RTL4: variants seen among roughly 807,000 people sequenced by gnomAD.
RTL4 encodes retrotransposon Gag like 4.
Under a neutral mutation model 5.3 loss-of-function variants are expected in RTL4, and 4 were observed. That is an observed-to-expected ratio of 0.75 (90% CI 0.37 to 1.72). RTL4 has a LOEUF of 1.72. Ranked by LOEUF, RTL4 falls within the 40% of genes most tolerant of loss-of-function variation. RTL4 has a pLI of 0.04. For synonymous variants in RTL4, 98 were observed against 87.3 expected (o/e 1.12, Z -0.68); for missense variants, 260 against 227.1 (o/e 1.14, Z -0.93).
the RTL4 span, among the ~76,000 whole-genome samples, chrX:112,340,044 C>A: frequency 8.9e-6 from 1 of 112,584 alleles, no homozygotes. Flanking sequence ...GATTAAATGG[C>A]AATTTCAGTA....
the RTL4 span, among the ~76,000 whole-genome samples, chrX:112,115,223 C>T: frequency 9.0e-6 from 1 of 111,516 alleles, no homozygotes; most frequent in Non-Finnish European, 1.9e-5. Flanking sequence ...GCTTAGACCA[C>T]AAAGAGGACT....
the RTL4 span, among the ~76,000 whole-genome samples, chrX:112,349,174 T>C: frequency 3.1e-3 from 346 of 111,059 alleles, 2 homozygotes; most frequent in African/African-American, 0.011. Flanking sequence ...TTATATACAA[T>C]GAACTATGAA....
At chrX:112,089,040 G>A in the RTL4 span, among the ~76,000 whole-genome samples, 3 of 110,891 alleles carry the variant, frequency 2.7e-5, no homozygotes, top group East Asian at 8.5e-4. Flanking sequence ...TTATGATAGT[G>A]TCCTCTGATG....
At chrX:112,326,435 G>A in the RTL4 span, among the ~76,000 whole-genome samples, 59 of 111,700 alleles carry the variant, frequency 5.3e-4, no homozygotes, top group African/African-American at 1.6e-3. Context: ...CGAATACTGC[G>A]CTTTTCTGAC....
the RTL4 span, among the ~76,000 whole-genome samples, chrX:112,157,287 A>G: frequency 9.0e-6 from 1 of 111,115 alleles, no homozygotes; most frequent in Admixed American, 9.6e-5. Context: ...ATGTTCCTTT[A>G]TTTCTTAGGG....
At chrX:112,454,565 C>T (rs1926797665) in exon 1 of RTL4, 6 of 463,735 alleles carry the variant, frequency 1.3e-5, no homozygotes, top group Middle Eastern at 6.2e-4. Flanking sequence ...TGGCATCTCT[C>T]CAATTCAGCT....
chrX:112,407,803 C>T, the RTL4 span, among the ~76,000 whole-genome samples: 14 of 112,832 alleles, frequency 1.2e-4, no homozygotes, highest in East Asian at 3.1e-3. Context: ...AAGCTCAGAA[C>T]GGACAGAGAG....
At chrX:112,441,426 G>A in the RTL4 span, among the ~76,000 whole-genome samples, 32 of 111,644 alleles carry the variant, frequency 2.9e-4, no homozygotes, top group Non-Finnish European at 5.3e-4. Flanking sequence ...AAAAGACAGC[G>A]GGATAGAGAT....
chrX:112,112,166 A>G, the RTL4 span, among the ~76,000 whole-genome samples: 1 of 112,244 alleles, frequency 8.9e-6, no homozygotes, highest in African/African-American at 3.2e-5. Flanking sequence ...TTACTTAGGT[A>G]TGCCACTGGT....
At chrX:112,258,734 C>G in the RTL4 span, among the ~76,000 whole-genome samples, 4 of 111,380 alleles carry the variant, frequency 3.6e-5, no homozygotes, top group East Asian at 1.1e-3. Context: ...TATCAGTTTT[C>G]CTACATGACT....
chrX:112,347,687 T>C, the RTL4 span, among the ~76,000 whole-genome samples: 1 of 111,293 alleles, frequency 9.0e-6, no homozygotes, highest in Non-Finnish European at 1.9e-5. Flanking sequence ...GAAAGTAAAA[T>C]TTTGTGCTAT....
chrX:112,278,289 T>C, the RTL4 span, among the ~76,000 whole-genome samples: 1 of 112,221 alleles, frequency 8.9e-6, no homozygotes, highest in Non-Finnish European at 1.9e-5. Context: ...GATTTGTATA[T>C]AGGAATCATG....
the RTL4 span, among the ~76,000 whole-genome samples, chrX:112,185,402 T>TATAC: frequency 3.6e-4 from 35 of 97,855 alleles, no homozygotes; most frequent in South Asian, 1.4e-3. Flanking sequence ...TATATATATA[T>TATAC]ACACACACAC....
the RTL4 span, among the ~76,000 whole-genome samples, chrX:112,348,101 GCA>G: frequency 9.0e-6 from 1 of 110,855 alleles, no homozygotes; most frequent in Middle Eastern, 4.3e-3. Flanking sequence ...TACAGAGCAG[GCA>G]TAAATAATCA....
At chrX:112,426,027 C>T in the RTL4 span, among the ~76,000 whole-genome samples, 43 of 111,516 alleles carry the variant, frequency 3.9e-4, no homozygotes, top group Non-Finnish European at 5.9e-4. Flanking sequence ...TAAAGGTTTT[C>T]TCCTATATTG....
At chrX:112,442,101 G>T in the RTL4 span, among the ~76,000 whole-genome samples, 6 of 111,894 alleles carry the variant, frequency 5.4e-5, no homozygotes, top group Admixed American at 9.5e-5. Flanking sequence ...ATTAGTGGTT[G>T]CCTGGGGCTG....
chrX:112,118,012 A>G, the RTL4 span, among the ~76,000 whole-genome samples: 1 of 111,983 alleles, frequency 8.9e-6, no homozygotes, highest in Non-Finnish European at 1.9e-5. Flanking sequence ...CATTAAAAAT[A>G]ATAATGTAGG....
At chrX:112,176,175 A>G in the RTL4 span, among the ~76,000 whole-genome samples, 11 of 111,834 alleles carry the variant, frequency 9.8e-5, no homozygotes, top group East Asian at 2.5e-3. Flanking sequence ...AAGGGATGTG[A>G]AGGACCTCTT....
At chrX:112,104,334 A>G in the RTL4 span, among the ~76,000 whole-genome samples, 58 of 112,358 alleles carry the variant, frequency 5.2e-4, no homozygotes, top group African/African-American at 1.8e-3. Flanking sequence ...TATTTTAGCT[A>G]TTGTGAATAA....
Sources: gnomAD v4.1 joint callset for allele counts (sites outside exome capture counted in the v4.1 genomes callset) on GRCh38, gnomAD v4.1.1 for gene constraint, MANE v1.5 for transcripts, NCBI Gene and HGNC (gene_info 2026-07-23, HGNC 2026-07-21) for gene names.